The following PCYT1B variants were observed in gnomAD, a reference collection of about 807,000 sequenced individuals.
PCYT1B encodes the protein phosphate cytidylyltransferase 1B, choline.
Under a neutral mutation model 26.4 loss-of-function variants are expected in PCYT1B, and 10 were observed. The ratio of observed to expected loss-of-function variants is 0.38; its 90% CI spans 0.23 to 0.64. The LOEUF (loss-of-function observed/expected upper bound fraction) is 0.64. Among genes scored for constraint, PCYT1B ranks in the 30% least tolerant of loss-of-function variants. The pLI is 0.56. For missense variants in PCYT1B, 161 were observed against 292.7 expected (o/e 0.55, Z 3.28); for synonymous variants, 131 against 108.4 (o/e 1.21, Z -1.29).
At chrX:24,598,564 A>T (rs2148240501) in intron 3 of PCYT1B, among the ~76,000 whole-genome samples, 1 of 111,531 alleles carries the variant, frequency 9.0e-6, no homozygotes, top group East Asian at 2.8e-4. Flanking sequence ...CCTTTTAAAA[A>T]TCATACTCTT....
intron 1 of PCYT1B, among the ~76,000 whole-genome samples, chrX:24,638,938 T>C (rs1486208631): frequency 8.9e-6 from 1 of 112,772 alleles, no homozygotes. Flanking sequence ...ATTCCATATA[T>C]GATTTGGAAT....
At chrX:24,567,895 G>C (rs1186783980) in intron 7 of PCYT1B, among the ~76,000 whole-genome samples, 3 of 111,361 alleles carry the variant, frequency 2.7e-5, no homozygotes. Flanking sequence ...GTTGCAGTGA[G>C]GCGAGATCAT....
intron 3 of PCYT1B, among the ~76,000 whole-genome samples, chrX:24,603,771 G>C (rs939473016): frequency 6.3e-5 from 7 of 111,534 alleles, no homozygotes. Flanking sequence ...AAAATTATTT[G>C]AGTCTAGAAT....
chrX:24,650,317 CTTTT>C (rs575150338), upstream of PCYT1B, among the ~76,000 whole-genome samples: 183 of 75,668 alleles, frequency 2.4e-3, no homozygotes, highest in South Asian at 6.9e-3. Flanking sequence ...TATTATGTAG[CTTTT>C]TTTTTTTTTT....
chrX:24,633,584 G>T lies in PCYT1B; in HGVS notation c.117+13405C>A, dbSNP rs142936205. 7.9e-3 allele frequency among the ~76,000 whole-genome samples: 878 copies of T among 111,212 alleles called. 12 individuals carry two copies. Among genetic ancestry groups the T allele is most frequent in the African/African-American group, 0.028 (848 of 30,570 alleles). Reference sequence around the variant, plus strand: ...AGCTACTCCGGAGGCTGAGGTGAGAGAATCACTTGAACCTAGGAGATGGAG... The same window carrying T: ...AGCTACTCCGGAGGCTGAGGTGAGATAATCACTTGAACCTAGGAGATGGAG... On this transcript the variant is annotated intron_variant, in intron 1 of 7. Coordinates refer to ENST00000379144, the MANE Select transcript of PCYT1B (RefSeq NM_004845.5).
At chrX:24,650,867 A>G (rs934358597), upstream of PCYT1B, among the ~76,000 whole-genome samples, 2 of 112,269 alleles carry the variant, frequency 1.8e-5, no homozygotes, top group Non-Finnish European at 3.8e-5. Context: ...GATACAACTT[A>G]CAGCAATAGT....
intron 7 of PCYT1B, among the ~76,000 whole-genome samples, chrX:24,565,860 T>G (rs1923612410): frequency 9.3e-6 from 1 of 107,476 alleles, no homozygotes; most frequent in Admixed American, 9.9e-5. Flanking sequence ...TACCTACAAA[T>G]GATAGATCTC....
chrX:24,567,167 G>A (rs1923658541), intron 7 of PCYT1B, among the ~76,000 whole-genome samples: 1 of 112,345 alleles, frequency 8.9e-6, no homozygotes, highest in Non-Finnish European at 1.9e-5. Context: ...TGGATTGTCA[G>A]GATTTCCATT....
At chrX:24,593,787 A>C (rs1924688310) in intron 3 of PCYT1B, among the ~76,000 whole-genome samples, 1 of 110,792 alleles carries the variant, frequency 9.0e-6, no homozygotes, top group Non-Finnish European at 1.9e-5. Flanking sequence ...TCAGCCTCCC[A>C]AAGTGCTGGG....
chrX:24,569,614 C>A (rs891208314), intron 7 of PCYT1B, among the ~76,000 whole-genome samples: 2 of 112,121 alleles, frequency 1.8e-5, no homozygotes, highest in African/African-American at 6.5e-5. Flanking sequence ...CATGGATGAA[C>A]CCTGAAGACA....
chrX:24,597,411 C>A (rs745402798), intron 3 of PCYT1B, among the ~76,000 whole-genome samples: 3 of 112,050 alleles, frequency 2.7e-5, no homozygotes, highest in Admixed American at 1.9e-4. Flanking sequence ...CATGAGCCAC[C>A]GCACCCAGCC....
At chrX:24,634,771 A>AACC (rs1216403325) in intron 1 of PCYT1B, among the ~76,000 whole-genome samples, 1 of 111,031 alleles carries the variant, frequency 9.0e-6, no homozygotes, top group African/African-American at 3.3e-5. Flanking sequence ...CAACAACAAC[A>AACC]ACAAAAACAT....
At chrX:24,671,494 T>A (rs1428423636) in intron 1 of PCYT1B, among the ~76,000 whole-genome samples, 1 of 111,091 alleles carries the variant, frequency 9.0e-6, no homozygotes, top group East Asian at 2.8e-4. Context: ...CTGGGCGAAA[T>A]GATCAATCAG....
chrX:24,588,025 A>G, intron 4 of PCYT1B, among the ~76,000 whole-genome samples: 1 of 112,423 alleles, frequency 8.9e-6, no homozygotes, highest in East Asian at 2.8e-4. Context: ...AATTTAATTC[A>G]TCTTCCTGAA....
At chrX:24,617,064 C>A (rs985007216) in intron 2 of PCYT1B, among the ~76,000 whole-genome samples, 3 of 112,003 alleles carry the variant, frequency 2.7e-5, no homozygotes, top group Admixed American at 9.5e-5. Flanking sequence ...TGGACTGAAT[C>A]AGAAACTCTA....
At chrX:24,593,437 CTTTCTTTCTTTTCTTTTCTTTTCTTTTCT>C (rs1438100836) in intron 3 of PCYT1B, among the ~76,000 whole-genome samples, 205 of 73,776 alleles carry the variant, frequency 2.8e-3, no homozygotes, top group South Asian at 5.5e-3. Context: ...TCTTTCCTTT[CTTTCTTTCTTTTCTTTTCTTTTCTTTTCT>C]TTTCTTTTCT....
At chrX:24,618,050 CTGCACACA>C (rs1184040457) in intron 2 of PCYT1B, among the ~76,000 whole-genome samples, 1 of 111,496 alleles carries the variant, frequency 9.0e-6, no homozygotes, top group Non-Finnish European at 1.9e-5. Flanking sequence ...CCCTAAGCAC[CTGCACACA>C]TGCTACTAAT....
At chrX:24,602,641 C>CG (rs1207590565) in intron 3 of PCYT1B, among the ~76,000 whole-genome samples, 1 of 110,713 alleles carries the variant, frequency 9.0e-6, no homozygotes, top group African/African-American at 3.3e-5. Flanking sequence ...TACAAGGATT[C>CG]GCTGTACTTT....
intron 3 of PCYT1B, among the ~76,000 whole-genome samples, 184 bp from the exon 4 acceptor site, chrX:24,590,358 C>T (rs1048947204): frequency 2.7e-5 from 3 of 111,733 alleles, no homozygotes; most frequent in Non-Finnish European, 3.8e-5. Flanking sequence ...TAAAATCCAC[C>T]GACAATTCAG....
Sources: gnomAD v4.1 joint callset for allele counts (sites outside exome capture counted in the v4.1 genomes callset) on GRCh38, gnomAD v4.1.1 for gene constraint, MANE v1.5 for transcripts, NCBI Gene and HGNC (gene_info 2026-07-23, HGNC 2026-07-21) for gene names.